NALF1: variants seen among roughly 807,000 people sequenced by gnomAD.
The protein encoded by NALF1 is family with sequence similarity 155 member A.
In NALF1, 3 loss-of-function variants were observed where a neutral mutation model predicts 48.4. The observed-to-expected ratio is 0.06, with a 90% CI of 0.03 to 0.16. The LOEUF (loss-of-function observed/expected upper bound fraction) is 0.16. Ranked by LOEUF, NALF1 falls within the 10% of genes least tolerant of loss-of-function variation. The pLI, the probability that NALF1 is intolerant of heterozygous loss-of-function variation, is 1.00. For synonymous variants in NALF1, 262 were observed against 245.7 expected (o/e 1.07, Z -0.62); for missense variants, 526 against 571.5 (o/e 0.92, Z 0.81).
chr13:107,857,451 T>TTGTAA (rs1880466679), intron 1 of NALF1, among the ~76,000 whole-genome samples: 1 of 152,178 alleles, frequency 6.6e-6, no homozygotes, highest in African/African-American at 2.4e-5. Flanking sequence ...AGACCATTTC[T>TTGTAA]ACCCACAGGT....
At chr13:107,594,270 T>A (rs1309289607) in intron 1 of NALF1, among the ~76,000 whole-genome samples, 1 of 152,006 alleles carries the variant, frequency 6.6e-6, no homozygotes, top group Non-Finnish European at 1.5e-5. Flanking sequence ...CTATTAACAC[T>A]CTCTCCTTTA....
intron 1 of NALF1, among the ~76,000 whole-genome samples, chr13:107,510,773 C>T (rs1222047230): frequency 6.6e-6 from 1 of 152,138 alleles, no homozygotes; most frequent in African/African-American, 2.4e-5. Flanking sequence ...GCATTCACAC[C>T]TGAGCACAGA....
At chr13:107,438,621 G>A (rs1884500712) in intron 1 of NALF1, among the ~76,000 whole-genome samples, 1 of 151,632 alleles carries the variant, frequency 6.6e-6, no homozygotes, top group Non-Finnish European at 1.5e-5. Context: ...GGCTAACACA[G>A]GGAAACTCCA....
chr13:107,760,459 C>A (rs1014369885), intron 1 of NALF1, among the ~76,000 whole-genome samples: 1 of 152,108 alleles, frequency 6.6e-6, no homozygotes, highest in Non-Finnish European at 1.5e-5. Flanking sequence ...ACCGAACTTC[C>A]CCCTTCCACT....
In NALF1 at chr13:107,305,459, T is replaced by C. The variant is rs868158430; in HGVS notation, c.916-94704A>G. On this transcript the variant is annotated intron_variant, in intron 1 of 2. Transcript: ENST00000375915. ...TTTAAATTTATCAAAGTGCTCATTG[T>C]ATTTACTCATATTAAGTTAAAAAAT... Among the ~76,000 whole-genome samples the C allele has an allele frequency of 3.9e-5, 6 of 152,236 alleles. No homozygotes were observed. The South Asian group carries it at 1.2e-3, about 31-fold the overall frequency.
intron 1 of NALF1, among the ~76,000 whole-genome samples, chr13:107,371,356 A>G (rs1883245310): frequency 6.6e-6 from 1 of 152,194 alleles, no homozygotes; most frequent in Admixed American, 6.5e-5. Flanking sequence ...CGGAGGTAGA[A>G]GGATCGCTTG....
intron 1 of NALF1, among the ~76,000 whole-genome samples, chr13:107,400,188 A>G (rs368406745): frequency 6.6e-6 from 1 of 152,146 alleles, no homozygotes; most frequent in South Asian, 2.1e-4. Flanking sequence ...GCATATTAAC[A>G]TATATGAATT....
chr13:107,473,511 A>G (rs1444275923), intron 1 of NALF1, among the ~76,000 whole-genome samples: 13 of 152,190 alleles, frequency 8.5e-5, no homozygotes. Flanking sequence ...TTGTAATATA[A>G]TTTCAACAAA....
At chr13:107,594,705 T>C (rs1459272470) in intron 1 of NALF1, among the ~76,000 whole-genome samples, 1 of 152,120 alleles carries the variant, frequency 6.6e-6, no homozygotes, top group Non-Finnish European at 1.5e-5. Context: ...CAATAGTATT[T>C]GAGTGACCCA....
intron 1 of NALF1, among the ~76,000 whole-genome samples, chr13:107,463,768 T>C (rs1015616247): frequency 1.2e-4 from 18 of 152,286 alleles, no homozygotes; most frequent in African/African-American, 3.1e-4. Flanking sequence ...GTAGAATATT[T>C]ATATTAGCAA....
At chr13:107,674,851 G>A (rs976410457) in intron 1 of NALF1, among the ~76,000 whole-genome samples, 1 of 152,170 alleles carries the variant, frequency 6.6e-6, no homozygotes, top group Non-Finnish European at 1.5e-5. Context: ...AAAGTGTGTT[G>A]CCGAAATGTT....
chr13:107,727,632 G>T (rs1393196114), intron 1 of NALF1, among the ~76,000 whole-genome samples: 3 of 152,142 alleles, frequency 2.0e-5, no homozygotes, highest in Non-Finnish European at 2.9e-5. Context: ...AAGACTTCAT[G>T]ACTAAAACAC....
chr13:107,518,055 A>T (rs900881553), intron 1 of NALF1, among the ~76,000 whole-genome samples: 1 of 152,210 alleles, frequency 6.6e-6, no homozygotes, highest in Non-Finnish European at 1.5e-5. Context: ...CAGAATAGAG[A>T]ATGAAAGAGA....
At chr13:107,521,964 A>C (rs967006404) in intron 1 of NALF1, among the ~76,000 whole-genome samples, 14 of 150,876 alleles carry the variant, frequency 9.3e-5, no homozygotes, top group Admixed American at 5.3e-4. Context: ...CACACACAGA[A>C]ACACACACTC....
At chr13:107,747,464 G>A (rs1273249625) in intron 1 of NALF1, among the ~76,000 whole-genome samples, 1 of 151,950 alleles carries the variant, frequency 6.6e-6, no homozygotes, top group Admixed American at 6.6e-5. Flanking sequence ...TATGCATGTT[G>A]GTCTTACCTC....
intron 2 of NALF1, among the ~76,000 whole-genome samples, chr13:107,191,296 T>C (rs1316544332): frequency 6.6e-6 from 1 of 152,012 alleles, no homozygotes; most frequent in African/African-American, 2.4e-5. Context: ...ATGATAAAGA[T>C]AAAATAACAA....
chr13:107,580,671 C>A (rs1878279860), intron 1 of NALF1, among the ~76,000 whole-genome samples: 1 of 152,100 alleles, frequency 6.6e-6, no homozygotes, highest in African/African-American at 2.4e-5. Flanking sequence ...ATTTCTTGGG[C>A]CTGGCACAGC....
intron 1 of NALF1, among the ~76,000 whole-genome samples, chr13:107,606,679 T>C (rs1879080947): frequency 6.6e-6 from 1 of 152,046 alleles, no homozygotes; most frequent in South Asian, 2.1e-4. Context: ...TAACATCTCT[T>C]GAGAGGAAAC....
At chr13:107,234,730 C>G (rs532052791) in intron 1 of NALF1, among the ~76,000 whole-genome samples, 1 of 152,084 alleles carries the variant, frequency 6.6e-6, no homozygotes, top group Non-Finnish European at 1.5e-5. Context: ...ACAAACAAAA[C>G]AAAAAACCAA....
Sources: allele counts gnomAD v4.1 joint callset (sites outside exome capture counted in the v4.1 genomes callset), GRCh38; gene constraint gnomAD v4.1.1; transcripts MANE v1.5; gene names NCBI Gene and HGNC (gene_info 2026-07-23, HGNC 2026-07-21).